RFTN1: variants seen among roughly 807,000 people sequenced by gnomAD.
RFTN1 encodes raftlin, lipid raft linker 1, also known as raftlin.
A neutral mutation model predicts 46.5 loss-of-function variants in RFTN1; 26 were observed. The observed-to-expected ratio is 0.56, with a 90% CI of 0.41 to 0.78. The LOEUF (loss-of-function observed/expected upper bound fraction) is 0.78, where lower values mean the gene tolerates loss of function less well. Ranked by LOEUF, RFTN1 falls within the 30% of genes least tolerant of loss-of-function variation. RFTN1 has a pLI of 0.00. For synonymous variants in RFTN1, 261 were observed against 284.2 expected (o/e 0.92, Z 0.82); for missense variants, 693 against 718.7 (o/e 0.96, Z 0.41).
Position 16,407,263 on chromosome 3 carries a change from G to C in RFTN1, c.441+2112C>G, listed in dbSNP as rs546775335. Among the ~76,000 whole-genome samples, 1 of 152,280 alleles carries C rather than the reference G, an allele frequency of 6.6e-6. No individual in the cohort carries two copies. Among genetic ancestry groups the C allele is most frequent in the Non-Finnish European group, 1.5e-5 (1 of 68,014 alleles). On this transcript the variant is annotated intron_variant, in intron 4 of 9. Transcript: ENST00000334133. This position sits in a 1 kb window ranked among gnomAD's most constrained non-coding sequence, Gnocchi z 4.0. ...AGTGGTGCAATCATAGCTCACTGTG[G>C]TCTCAAACTCCTGGGCTCAAGCAAT...
rs1340017775 is a variant in RFTN1, at chr3:16,374,415, C to T, written c.826+3303G>A. On this transcript the variant is annotated intron_variant, in intron 5 of 9. Transcript: ENST00000334133. The surrounding 1 kb of genome is among the most constrained non-coding windows in gnomAD (Gnocchi z 5.4). Reference sequence around the variant, plus strand: ...TGGCAGATCTGGGAGGGGGCCGCATCATGGGGTCCAACTATCCCAAGGGAG... The same window carrying T: ...TGGCAGATCTGGGAGGGGGCCGCATTATGGGGTCCAACTATCCCAAGGGAG... Among the ~76,000 whole-genome samples, 3 of 152,146 alleles carry T rather than the reference C, an allele frequency of 2.0e-5. No homozygotes were observed. Among genetic ancestry groups the T allele is most frequent in the Non-Finnish European group, 2.9e-5 (2 of 68,026 alleles).
chr3:16,511,885 A>G (rs2076907676), intron 1 of RFTN1, among the ~76,000 whole-genome samples: 1 of 152,152 alleles, frequency 6.6e-6, no homozygotes, highest in South Asian at 2.1e-4. Flanking sequence ...CATTTGCCCC[A>G]TGTCCATACA....
At chr3:16,461,780 T>C (rs970042019) in intron 2 of RFTN1, among the ~76,000 whole-genome samples, 2 of 152,216 alleles carry the variant, frequency 1.3e-5, no homozygotes, top group African/African-American at 4.8e-5. Context: ...CCACAAGTAA[T>C]TTTTCCTTCC....
In RFTN1 at chr3:16,376,968, G is replaced by A. The variant is rs1469834662; in HGVS notation, c.826+750C>T. Among the ~76,000 whole-genome samples the A allele has an allele frequency of 2.6e-5, 4 of 151,884 alleles. No homozygotes were observed. Among genetic ancestry groups the A allele is most frequent in the Non-Finnish European group, 5.9e-5 (4 of 67,948 alleles). On this transcript the variant is annotated intron_variant, in intron 5 of 9. Transcript: ENST00000334133. This position sits in a 1 kb window ranked among gnomAD's most constrained non-coding sequence, Gnocchi z 4.7. ...ACAGAAAGCCCTCCTAAGCCCTGGG[G>A]GTCTTCTGTTAGTTTTCATACTTGT...
In RFTN1 at chr3:16,385,502, G is replaced by T. The variant is rs1036722408; in HGVS notation, c.442-7400C>A. On this transcript the variant is annotated intron_variant, in intron 4 of 9. Coordinates refer to ENST00000334133, the MANE Select transcript of RFTN1 (RefSeq NM_015150.2). This position sits in a 1 kb window ranked among gnomAD's most constrained non-coding sequence, Gnocchi z 5.0. ...AAGAGTTTGAAGGCTTAAAGCTTTG[G>T]ACCTGGCTCTGTTACTCAGTAGTTA... Among the ~76,000 whole-genome samples the T allele has an allele frequency of 5.3e-5, 8 of 152,160 alleles. No homozygotes were observed. Among genetic ancestry groups the T allele is most frequent in the Non-Finnish European group, 1.2e-4 (8 of 68,030 alleles).
Position 16,380,396 on chromosome 3 carries a change from G to C in RFTN1, c.442-2294C>G, listed in dbSNP as rs1029243501. Among the ~76,000 whole-genome samples the C allele has an allele frequency of 7.9e-5, 12 of 152,186 alleles. No individual in the cohort carries two copies. The highest frequency in any genetic ancestry group is 2.9e-4 in the African/African-American group (12 of 41,454). ...GCCCTGCAGAGACTGCTGTCATCTA[G>C]AGTGAAGAGGCGAGGACTCCAGACA... On this transcript the variant is annotated intron_variant, in intron 4 of 9. Coordinates refer to ENST00000334133, the MANE Select transcript of RFTN1 (RefSeq NM_015150.2). The surrounding 1 kb of genome is among the most constrained non-coding windows in gnomAD (Gnocchi z 4.8).
At position 16,445,005 on chromosome 3, in the gene RFTN1, T is replaced by C. The variant is rs1250204163; in HGVS notation, c.146-10968A>G. ...TGTTTTTGTGACCAGAAATATGCCA[T>C]AGGAATTTAACTCTTGATTTTCTCA... On this transcript the variant is annotated intron_variant, in intron 2 of 9. Transcript: ENST00000334133. Among the ~76,000 whole-genome samples, 7 of 152,328 alleles carry C rather than the reference T, an allele frequency of 4.6e-5. No individual in the cohort carries two copies. The East Asian group carries it at 1.4e-3, about 29-fold the overall frequency.
chr3:16,458,815 G>C lies in RFTN1; in HGVS notation c.146-24778C>G, dbSNP rs1421254209. 6.6e-6 allele frequency among the ~76,000 whole-genome samples: 1 copy of C among 152,202 alleles called. No individual in the cohort carries two copies. Reference sequence around the variant, plus strand: ...TTCTTTTTAAATACACATTTATAATGAATCTGTCCATCTGTTTTTCTAGCA... The same window carrying C: ...TTCTTTTTAAATACACATTTATAATCAATCTGTCCATCTGTTTTTCTAGCA... On this transcript the variant is annotated intron_variant, in intron 2 of 9. Coordinates refer to ENST00000334133, the MANE Select transcript of RFTN1 (RefSeq NM_015150.2). The surrounding 1 kb of genome is among the most constrained non-coding windows in gnomAD (Gnocchi z 5.1).
rs2071030963 is a variant in RFTN1, at chr3:16,338,072, A to G, written c.1147-11196T>C. Among the ~76,000 whole-genome samples, 1 of 152,158 alleles carries G rather than the reference A, an allele frequency of 6.6e-6. No homozygotes were observed. The highest frequency in any genetic ancestry group is 1.5e-5 in the Non-Finnish European group (1 of 68,018). ...CATGCCAAGCTGGCAAGAAAACCAA[A>G]CCTGCATGTGCAAGATAACATTCTC... On this transcript the variant is annotated intron_variant, in intron 7 of 9. Coordinates refer to ENST00000334133, the MANE Select transcript of RFTN1 (RefSeq NM_015150.2). This position sits in a 1 kb window ranked among gnomAD's most constrained non-coding sequence, Gnocchi z 5.3.
intron 2 of RFTN1, among the ~76,000 whole-genome samples, chr3:16,487,495 T>G (rs55726732): frequency 0.11 from 16,965 of 152,278 alleles, 1,235 homozygotes; most frequent in South Asian, 0.19. Flanking sequence ...CACACATGGC[T>G]ACTGAGCACT....
At position 16,317,090 on chromosome 3, in the gene RFTN1, C is replaced by T. The variant is rs2068484421; in HGVS notation, c.1475G>A (p.Gly492Glu). The T allele has an allele frequency of 6.2e-7, 1 of 1,613,782 alleles. No individual in the cohort carries two copies. The highest frequency in any genetic ancestry group is 8.5e-7 in the Non-Finnish European group (1 of 1,179,998). ...CTGCTGCTGTCCTGAAACACAGTTT[C>T]CCATGTCTCCAGCTTTGGAAGACTG... Reference protein sequence around the residue: ...EDQSSKAGDMGNCVSGQQQEG... With the variant: ...EDQSSKAGDMENCVSGQQQEG... The change falls in exon 10 of 10, where the codon GGA (glycine) becomes GAA (glutamate). Residue 492 changes from glycine to glutamate, a missense_variant. Transcript: ENST00000334133. This position sits in a 1 kb window ranked among gnomAD's most constrained non-coding sequence, Gnocchi z 4.3.
At position 16,356,024 on chromosome 3, in the gene RFTN1, C is replaced by G. The variant is rs774402121; in HGVS notation, c.1146+1908G>C. Among the ~76,000 whole-genome samples, 1 of 152,178 alleles carries G rather than the reference C, an allele frequency of 6.6e-6. No individual in the cohort carries two copies. The highest frequency in any genetic ancestry group is 2.4e-5 in the African/African-American group (1 of 41,430). On this transcript the variant is annotated intron_variant, in intron 7 of 9. Coordinates refer to ENST00000334133, the MANE Select transcript of RFTN1 (RefSeq NM_015150.2). This position sits in a 1 kb window ranked among gnomAD's most constrained non-coding sequence, Gnocchi z 4.9. ...TCGCTACTGTTACAGCCAAATGTTA[C>G]GGAGCAAACTGAATGCCGGCTGCTC...
rs1005618765 is a variant in RFTN1, at chr3:16,499,273, C to T, written c.-8-5396G>A. On this transcript the variant is annotated intron_variant, in intron 1 of 9. Coordinates refer to ENST00000334133, the MANE Select transcript of RFTN1 (RefSeq NM_015150.2). The surrounding 1 kb of genome is among the most constrained non-coding windows in gnomAD (Gnocchi z 4.9). ...GAGAGGTGAGGTCTATGTCAATTAC[C>T]CTGAATCTGGGCTCCAGGATGGCTT... is the stretch of plus-strand genomic sequence containing the variant. 1.3e-5 allele frequency among the ~76,000 whole-genome samples: 2 copies of T among 152,180 alleles called. No homozygotes were observed. Among genetic ancestry groups the T allele is most frequent in the Admixed American group, 6.5e-5 (1 of 15,286 alleles).
chr3:16,321,869 G>A lies in RFTN1; in HGVS notation c.1332+1507C>T, dbSNP rs371358752. On this transcript the variant is annotated intron_variant, in intron 9 of 9. Coordinates refer to ENST00000334133, the MANE Select transcript of RFTN1 (RefSeq NM_015150.2). The surrounding 1 kb of genome is among the most constrained non-coding windows in gnomAD (Gnocchi z 4.8). ...AATCTATCTCTAAAGTCTCCCTGCC[G>A]ACTCAAGTTTCCACTGACTTGTCCC... 6.6e-5 allele frequency among the ~76,000 whole-genome samples: 10 copies of A among 152,236 alleles called. No homozygotes were observed. The highest frequency in any genetic ancestry group is 3.4e-3 in the Middle Eastern group (1 of 294).
intron 1 of RFTN1, among the ~76,000 whole-genome samples, chr3:16,510,546 A>G (rs2076880554): frequency 6.6e-6 from 1 of 152,206 alleles, no homozygotes. Context: ...ACCTATAAAA[A>G]CATGTTCCCC....
intron 7 of RFTN1, among the ~76,000 whole-genome samples, chr3:16,330,039 G>A (rs1355389820): frequency 6.6e-6 from 1 of 152,192 alleles, no homozygotes; most frequent in Non-Finnish European, 1.5e-5. Flanking sequence ...GAAAAAATCA[G>A]CAGGATTTCT....
intron 7 of RFTN1, among the ~76,000 whole-genome samples, chr3:16,343,888 A>G (rs1060699): frequency 0.1 from 15,413 of 152,236 alleles, 794 homozygotes; most frequent in Admixed American, 0.14. Flanking sequence ...AAGCCAGCTG[A>G]TAGTCTTATA....
At chr3:16,395,592 T>C (rs1486520333) in intron 4 of RFTN1, among the ~76,000 whole-genome samples, 4 of 152,168 alleles carry the variant, frequency 2.6e-5, no homozygotes, top group Non-Finnish European at 2.9e-5. Flanking sequence ...ATTACAGACA[T>C]GCACCACCAT....
Position 16,380,447 on chromosome 3 carries a change from T to A in RFTN1, c.442-2345A>T, listed in dbSNP as rs2073947964. Among the ~76,000 whole-genome samples, 1 of 152,120 alleles carries A rather than the reference T, an allele frequency of 6.6e-6. No homozygotes were observed. The highest frequency in any genetic ancestry group is 6.5e-5 in the Admixed American group (1 of 15,272). ...CAGGGCATTATCCTAGCCCTCCCCT[T>A]CCTCACTGGGACTGGAGGAATTGGA... On this transcript the variant is annotated intron_variant, in intron 4 of 9. Transcript: ENST00000334133. This position sits in a 1 kb window ranked among gnomAD's most constrained non-coding sequence, Gnocchi z 4.8.
Sources: gnomAD v4.1 joint callset for allele counts (sites outside exome capture counted in the v4.1 genomes callset) on GRCh38, gnomAD v4.1.1 for gene constraint, Gnocchi (gnomAD v3.1) non-coding constraint, MANE v1.5 for transcripts, NCBI Gene and HGNC (gene_info 2026-07-23, HGNC 2026-07-21) for gene names.